The following MCHR2 variants were observed in gnomAD, a reference collection of about 807,000 sequenced individuals.
MCHR2 encodes melanin concentrating hormone receptor 2.
In MCHR2, 15 loss-of-function variants were observed where a neutral mutation model predicts 24.8. The observed-to-expected ratio is 0.60, with a 90% CI of 0.40 to 0.93. MCHR2 has a LOEUF of 0.93. Ranked by LOEUF, MCHR2 falls within the 40% of genes least tolerant of loss-of-function variation. The pLI, the probability that MCHR2 is intolerant of heterozygous loss-of-function variation, is 0.00. For synonymous variants in MCHR2, 151 were observed against 147.6 expected (o/e 1.02, Z -0.17); for missense variants, 386 against 408.7 (o/e 0.94, Z 0.48).
chr6:99,925,986 G>C (rs1415276892), intron 5 of MCHR2, among the ~76,000 whole-genome samples: 4 of 150,748 alleles, frequency 2.7e-5, no homozygotes, highest in Admixed American at 2.6e-4. Flanking sequence ...CCTTCCCCCT[G>C]CCCCCACCCC....
At chr6:99,952,380 G>A (rs998969809) in intron 2 of MCHR2, among the ~76,000 whole-genome samples, 13 of 151,962 alleles carry the variant, frequency 8.6e-5, no homozygotes, top group African/African-American at 9.7e-5. Context: ...TTTTATATAC[G>A]TTTCTAGTCT....
Position 99,983,335 on chromosome 6 carries a change from A to G in MCHR2, c.-28+10601T>C, listed in dbSNP as rs530672533. Among the ~76,000 whole-genome samples the G allele has an allele frequency of 9.2e-4, 140 of 152,286 alleles. 1 individual carries two copies. The highest frequency in any genetic ancestry group is 3.1e-3 in the African/African-American group (128 of 41,552). On this transcript the variant is annotated intron_variant, in intron 1 of 5. Coordinates refer to ENST00000281806, the MANE Select transcript of MCHR2 (RefSeq NM_001040179.2). ...TTTTCACTCCTGAGTCCTCATACTT[A>G]GATGTTTGTCTATAGAGGATGTCAC...
At chr6:99,970,231 G>A (rs1238505373) in intron 1 of MCHR2, among the ~76,000 whole-genome samples, 9 of 151,972 alleles carry the variant, frequency 5.9e-5, no homozygotes, top group East Asian at 1.9e-4. Context: ...GTTGTTTCCT[G>A]ACTTTTTAAT....
intron 4 of MCHR2, 125 bp from the exon 5 acceptor site, chr6:99,934,642 T>C (rs1774619883): frequency 1.2e-6 from 1 of 855,572 alleles, no homozygotes; most frequent in Non-Finnish European, 1.6e-6. Flanking sequence ...AGGATGAAAG[T>C]CCTTGTGGAA....
At chr6:99,928,552 T>C (rs1348345210) in intron 5 of MCHR2, among the ~76,000 whole-genome samples, 1 of 152,168 alleles carries the variant, frequency 6.6e-6, no homozygotes, top group Non-Finnish European at 1.5e-5. Context: ...AACTTCTTCC[T>C]GGTTTAGTCT....
rs199571812 is a variant in MCHR2 at position 99,943,046 on chromosome 6, G to A, written c.490C>T (p.Leu164=). The change falls in exon 4 of 6, where the codon CTG becomes TTG. Residue 164 remains leucine, a synonymous_variant. Coordinates refer to ENST00000281806, the MANE Select transcript of MCHR2 (RefSeq NM_001040179.2). ...NLGLWAASFI[L]ALPVWVYSKV... is the part of the protein sequence containing the mutation. ...GAGTAGACCCAGACAGGCAATGCCA[G>A]GATAAAGGAAGCTGCCCAAAGGCCC... is the stretch of plus-strand genomic sequence containing the variant. The A allele has an allele frequency of 1.2e-6, 2 of 1,613,220 alleles. No homozygotes were observed. The highest frequency in any genetic ancestry group is 1.1e-5 in the South Asian group (1 of 91,026).
intron 1 of MCHR2, among the ~76,000 whole-genome samples, chr6:99,983,963 C>T (rs530923257): frequency 6.6e-6 from 1 of 152,256 alleles, no homozygotes; most frequent in Middle Eastern, 3.4e-3. Flanking sequence ...AAGGATTGGA[C>T]TCTTTACAAG....
At chr6:99,973,680 T>C (rs1045234936) in intron 1 of MCHR2, among the ~76,000 whole-genome samples, 3 of 152,220 alleles carry the variant, frequency 2.0e-5, no homozygotes, top group Admixed American at 2.0e-4. Flanking sequence ...TTTTGGCATG[T>C]TTTTGCAGTG....
intron 1 of MCHR2, among the ~76,000 whole-genome samples, chr6:99,990,743 T>G (rs544164408): frequency 6.6e-6 from 1 of 151,946 alleles, no homozygotes; most frequent in South Asian, 2.1e-4. Flanking sequence ...TTTACATAAT[T>G]CTGTCTCCTC....
chr6:99,952,985 A>T (rs953072724), intron 2 of MCHR2, among the ~76,000 whole-genome samples: 3 of 152,138 alleles, frequency 2.0e-5, no homozygotes, highest in Non-Finnish European at 2.9e-5. Context: ...TGGTCCGTAC[A>T]ATGGCTCAGG....
chr6:99,929,483 T>G (rs1033703093), intron 5 of MCHR2, among the ~76,000 whole-genome samples: 22 of 152,236 alleles, frequency 1.4e-4, no homozygotes, highest in South Asian at 4.1e-4. Flanking sequence ...AAGTCTCTTT[T>G]TAGGTCACTC....
intron 1 of MCHR2, among the ~76,000 whole-genome samples, chr6:99,964,570 C>T (rs1037625776): frequency 2.6e-5 from 4 of 151,974 alleles, no homozygotes; most frequent in Non-Finnish European, 5.9e-5. Context: ...GCTAATAAAA[C>T]CATCAGACCT....
At chr6:99,938,125 TTTG>T (rs1774700930) in intron 4 of MCHR2, among the ~76,000 whole-genome samples, 1 of 151,910 alleles carries the variant, frequency 6.6e-6, no homozygotes, top group Admixed American at 6.6e-5. Flanking sequence ...GTTTGTTGGT[TTTG>T]TTTATCTTTT....
chr6:99,940,908 G>A (rs1227378362), intron 4 of MCHR2, among the ~76,000 whole-genome samples: 1 of 152,080 alleles, frequency 6.6e-6, no homozygotes, highest in African/African-American at 2.4e-5. Context: ...GTACCTCCTG[G>A]AGTGTACTGC....
chr6:99,931,103 C>G (rs1774517242), intron 5 of MCHR2, among the ~76,000 whole-genome samples: 1 of 152,202 alleles, frequency 6.6e-6, no homozygotes. Flanking sequence ...GAGGTCCACT[C>G]CAGACCCTGT....
intron 1 of MCHR2, among the ~76,000 whole-genome samples, chr6:99,968,413 G>T (rs564233798): frequency 2.6e-5 from 4 of 152,216 alleles, no homozygotes; most frequent in Admixed American, 1.3e-4. Flanking sequence ...TTAGATATGG[G>T]GAAACTAGGC....
chr6:99,959,833 T>C (rs1270528852), intron 1 of MCHR2, among the ~76,000 whole-genome samples: 3 of 148,466 alleles, frequency 2.0e-5, no homozygotes, highest in Admixed American at 2.0e-4. Flanking sequence ...ATAATAATAA[T>C]GATAATAATA....
chr6:99,929,009 AT>A (rs1275968921), intron 5 of MCHR2, among the ~76,000 whole-genome samples: 1 of 151,726 alleles, frequency 6.6e-6, no homozygotes, highest in East Asian at 1.9e-4. Context: ...TCTGCTTTGA[AT>A]GTGTCCCAGA....
intron 1 of MCHR2, among the ~76,000 whole-genome samples, chr6:99,973,382 C>A (rs1417747496): frequency 1.3e-5 from 2 of 151,978 alleles, no homozygotes; most frequent in Non-Finnish European, 2.9e-5. Context: ...ACTAGGATTG[C>A]AACCTCTGCC....
Sources: allele counts gnomAD v4.1 joint callset (sites outside exome capture counted in the v4.1 genomes callset), GRCh38; gene constraint gnomAD v4.1.1; transcripts MANE v1.5; gene names NCBI Gene and HGNC (gene_info 2026-07-23, HGNC 2026-07-21).